Variants in CDC20 observed in about 807,000 individuals in gnomAD.
CDC20 encodes the protein cell division cycle 20.
A neutral mutation model predicts 60.0 loss-of-function variants in CDC20; 34 were observed. The observed-to-expected ratio is 0.57, with a 90% CI of 0.43 to 0.75. CDC20 has a LOEUF of 0.75. CDC20 is among the 30% of genes least tolerant of loss of function. The probability of loss-of-function intolerance (pLI) is 0.00; values close to 1 mark genes in which losing one functional copy is unlikely to be tolerated. For synonymous variants in CDC20, 198 were observed against 243.5 expected, an observed-to-expected ratio of 0.81 and a Z score of 1.74; for missense variants, 469 against 647.3, an observed-to-expected ratio of 0.72 and a Z score of 2.99.
chr1:43,360,779 G>A lies in CDC20; in HGVS notation c.895G>A (p.Glu299Lys). 1 of 1,614,148 alleles carries A rather than the reference G, an allele frequency of 6.2e-7. No homozygotes were observed. The highest frequency in any genetic ancestry group is 1.3e-5 in the African/African-American group (1 of 75,062). Residue 299 changes from glutamate (E) to lysine (K), a missense_variant, in exon 8 of 11, where the codon GAA (glutamate) becomes AAA (lysine). This residue lies in a region of CDC20 where 255 missense variants were observed against 326.7 expected (regional missense o/e 0.78). Coordinates refer to ENST00000310955, the MANE Select transcript of CDC20 (RefSeq NM_001255.3). ...CCACCACCATGATGTTCGGGTAGCA[G>A]AACACCATGTGGCCACACTGAGTGG... Reference protein sequence around the residue: ...HIHHHDVRVAEHHVATLSGHS... With the variant: ...HIHHHDVRVAKHHVATLSGHS...
At chr1:43,359,873 G>T in intron 4 of CDC20, 52 bp downstream of exon 4, 1 of 1,608,764 alleles carries the variant, frequency 6.2e-7, no homozygotes, top group East Asian at 2.2e-5. Context: ...TCATCTCCAG[G>T]GCTGAGCACA....
In CDC20 at chr1:43,360,524, G is replaced by A. The variant is rs1428906188; in HGVS notation, c.779G>A (p.Arg260Gln). 6.8e-6 allele frequency: 11 copies of A among 1,614,014 alleles called. No homozygotes were observed. The highest frequency in any genetic ancestry group is 1.7e-5 in the Admixed American group (1 of 60,002). Residue 260 changes from arginine to glutamine, a missense_variant, in exon 7 of 11, where the codon CGG (arginine) becomes CAG (glutamine). By Grantham distance (43) the Arg-to-Gln change is conservative. Transcript: ENST00000310955. Reference protein sequence around the residue: ...VQLWDVQQQKRLRNMTSHSAR... With the variant: ...VQLWDVQQQKQLRNMTSHSAR... ...CTATGGGATGTGCAGCAGCAGAAAC[G>A]GCTTCGAAATATGACCAGTCACTCT...
At chr1:43,359,029 C>G in intron 1 of CDC20, 23 bp downstream of exon 1, 1 of 629,410 alleles carries the variant, frequency 1.6e-6, no homozygotes, top group Non-Finnish European at 2.8e-6. Flanking sequence ...GGGGCTGAGC[C>G]GAGGTGGGGC....
rs1386723196 is a variant in CDC20, at chr1:43,363,112, C to A, written c.1483C>A (p.His495Asn). The A allele has an allele frequency of 1.2e-6, 2 of 1,612,722 alleles. No individual in the cohort carries two copies. The highest frequency in any genetic ancestry group is 8.5e-7 in the Non-Finnish European group (1 of 1,179,550). The change falls in exon 11 of 11, where the codon CAC becomes AAC. Residue 495 changes from histidine (H) to asparagine (N), a missense_variant. Coordinates refer to ENST00000310955, the MANE Select transcript of CDC20 (RefSeq NM_001255.3). ...CAGTGCAGCCAAAAGCAGCCTCATC[C>A]ACCAAGGCATCCGCTGAAGACCAAC... ...KASAAKSSLI[H>N]QGIR is the part of the protein sequence containing the mutation.
Position 43,363,152 on chromosome 1 carries a change from GTTT to G in CDC20, c.*27_*29del. 1 of 1,595,152 alleles carries G rather than the reference GTTT, an allele frequency of 6.3e-7. No homozygotes were observed. The highest frequency in any genetic ancestry group is 8.5e-7 in the Non-Finnish European group (1 of 1,172,760). Reference sequence around the variant, plus strand: ...TGAAGACCAACCCATCACCTCAGTTGTTTTTTATTTTTCTAATAAAGTCATGTC... The same window carrying G: ...TGAAGACCAACCCATCACCTCAGTTGTTTATTTTTCTAATAAAGTCATGTC... On this transcript the variant is annotated 3_prime_UTR_variant, in exon 11 of 11. Coordinates refer to ENST00000310955, the MANE Select transcript of CDC20 (RefSeq NM_001255.3).
Position 43,360,396 on chromosome 1 carries a change from C to A in CDC20, c.753+7C>A. On this transcript the variant is annotated splice_region_variant and intron_variant, in intron 6 of 10. Coordinates refer to ENST00000310955, the MANE Select transcript of CDC20 (RefSeq NM_001255.3). Reference sequence around the variant, plus strand: ...CAGCAGTGCTGAGGTGCAGGTGAGACGTGTCCAGTGCTGTCATTCTCACCA... The same window carrying A: ...CAGCAGTGCTGAGGTGCAGGTGAGAAGTGTCCAGTGCTGTCATTCTCACCA... 1 of 1,613,662 alleles carries A rather than the reference C, an allele frequency of 6.2e-7. No individual in the cohort carries two copies. The highest frequency in any genetic ancestry group is 8.5e-7 in the Non-Finnish European group (1 of 1,179,530).
intron 10 of CDC20, among the ~76,000 whole-genome samples, 165 bp from the exon 11 acceptor site, chr1:43,362,786 A>G (rs1647178462): frequency 6.6e-6 from 1 of 152,106 alleles, no homozygotes; most frequent in Admixed American, 6.6e-5. Context: ...AATGGCATGA[A>G]CCCAGGAGGC....
chr1:43,359,460 G>T, intron 2 of CDC20, 30 bp from the exon 3 acceptor site: 1 of 1,613,760 alleles, frequency 6.2e-7, no homozygotes, highest in Non-Finnish European at 8.5e-7. Flanking sequence ...GGGGAGCCTG[G>T]TCAGACTGTC....
intron 10 of CDC20, 73 bp downstream of exon 10, chr1:43,362,385 TC>T (rs1224979466): frequency 2.9e-6 from 2 of 700,196 alleles, no homozygotes; most frequent in Non-Finnish European, 5.3e-6. Context: ...AATAAGCAAA[TC>T]CAGAGAAAAA....
intron 9 of CDC20, among the ~76,000 whole-genome samples, chr1:43,361,938 T>G (rs886309136): frequency 1.8e-4 from 27 of 152,336 alleles, no homozygotes; most frequent in African/African-American, 5.5e-4. Context: ...TGAACTTCCT[T>G]CTGATTGATT....
At chr1:43,359,701 C>T (rs370793317) in intron 3 of CDC20, 24 bp from the exon 4 acceptor site, 14 of 1,613,614 alleles carry the variant, frequency 8.7e-6, no homozygotes, top group Non-Finnish European at 1.2e-5. Flanking sequence ...TACCATCTTG[C>T]TCCTTCACTA....
chr1:43,362,903 G>A (rs1395173336), intron 10 of CDC20, 48 bp from the exon 11 acceptor site: 2 of 1,422,236 alleles, frequency 1.4e-6, no homozygotes, highest in Non-Finnish European at 1.9e-6. Flanking sequence ...CCTCCTTTAT[G>A]GCTATGGCTG....
At chr1:43,359,905 T>C in intron 4 of CDC20, 64 bp from the exon 5 acceptor site, 2 of 1,605,328 alleles carry the variant, frequency 1.2e-6, no homozygotes, top group East Asian at 2.2e-5. Flanking sequence ...CCTCTTCCTA[T>C]CTAAGATTGA....
intron 1 of CDC20, 38 bp downstream of exon 1, chr1:43,359,044 G>T: frequency 1.5e-6 from 1 of 662,454 alleles, no homozygotes. Context: ...TGGGGCCGTG[G>T]CCAGGGGGAG....
chr1:43,359,906 C>T, intron 4 of CDC20, 63 bp from the exon 5 acceptor site: 8 of 1,598,426 alleles, frequency 5.0e-6, no homozygotes, highest in Non-Finnish European at 6.9e-6. Flanking sequence ...CTCTTCCTAT[C>T]TAAGATTGAG....
At position 43,360,837 on chromosome 1, in the gene CDC20, C is replaced by G; in HGVS notation, c.953C>G (p.Ala318Gly). The G allele has an allele frequency of 6.2e-7, 1 of 1,614,042 alleles. No individual in the cohort carries two copies. Among genetic ancestry groups the G allele is most frequent in the Non-Finnish European group, 8.5e-7 (1 of 1,179,882 alleles). ...CAGGAAGTGTGTGGGCTGCGCTGGGCCCCAGATGGACGACATTTGGCCAGT... is the reference window on the plus strand; with the variant it reads ...CAGGAAGTGTGTGGGCTGCGCTGGGGCCCAGATGGACGACATTTGGCCAGT... ...HSQEVCGLRW[A>G]PDGRHLASGG... is the part of the protein sequence containing the mutation. The change falls in exon 8 of 11, where the codon GCC becomes GGC. Residue 318 changes from alanine to glycine, a missense_variant. Physicochemically the swap from Ala to Gly is moderately conservative, Grantham distance 60 (BLOSUM62 0). Transcript: ENST00000310955.
chr1:43,361,385 C>T (rs1022868067), intron 9 of CDC20, 140 bp downstream of exon 9: 19 of 821,978 alleles, frequency 2.3e-5, no homozygotes, highest in African/African-American at 3.5e-5. Flanking sequence ...TCATTTCCAA[C>T]AGTCTGTGGC....
At chr1:43,362,170 T>C (rs1167140635) in intron 9 of CDC20, 25 bp from the exon 10 acceptor site, 1 of 1,432,800 alleles carries the variant, frequency 7.0e-7, no homozygotes, top group East Asian at 2.3e-5. Context: ...CTATATGTCA[T>C]GCCCACACCA....
In CDC20 at chr1:43,359,007, G is replaced by C; in HGVS notation, c.-50+1G>C. On this transcript the variant is annotated splice_donor_variant, in intron 1 of 10. Transcript: ENST00000310955. LOFTEE classifies it low-confidence loss of function (5UTR_SPLICE). ...GGTCGGAACTGCTCCGGAGGGCACG[G>C]TGAGAGGTGGTGGGGCTGAGCCGAG... The C allele has an allele frequency of 3.3e-6, 2 of 608,858 alleles. No homozygotes were observed. Among genetic ancestry groups the C allele is most frequent in the Admixed American group, 2.9e-5 (1 of 34,058 alleles). 37.7% of individuals were successfully genotyped at this position (608,858 alleles called of 1,614,324 possible). A position where few individuals can be genotyped will look rare whatever the true frequency, so the allele number is the denominator to read the frequency against.
Sources: gnomAD v4.1 joint callset for allele counts (sites outside exome capture counted in the v4.1 genomes callset) on GRCh38, gnomAD v4.1.1 for gene constraint, gnomAD v4.1.1 regional missense constraint, MANE v1.5 for transcripts, NCBI Gene and HGNC (gene_info 2026-07-23, HGNC 2026-07-21) for gene names.